Variants in SLC67A2 observed in about 807,000 individuals in gnomAD.
SLC67A2 encodes solute carrier family 67 member 2.
At chr2:102,721,837 TG>T in the SLC67A2 span, among the ~76,000 whole-genome samples, 2 of 152,202 alleles carry the variant, frequency 1.3e-5, no homozygotes, top group African/African-American at 4.8e-5. Context: ...CTCGAGGATC[TG>T]GGACTACAGG....
chr2:102,736,607 C>G, the SLC67A2 span: 1 of 1,613,760 alleles, frequency 6.2e-7, no homozygotes, highest in South Asian at 1.1e-5. Flanking sequence ...GGCCCGAACA[C>G]AGTCAGCACT....
the SLC67A2 span, among the ~76,000 whole-genome samples, chr2:102,725,942 G>C: frequency 6.6e-6 from 1 of 152,156 alleles, no homozygotes; most frequent in Non-Finnish European, 1.5e-5. Context: ...CCAGTGCTCT[G>C]ACAGGTACAG....
At chr2:102,727,085 A>G in the SLC67A2 span, 2 of 1,187,860 alleles carry the variant, frequency 1.7e-6, no homozygotes, top group Non-Finnish European at 2.3e-6. Context: ...TCAGTGTCAG[A>G]TCCTCAGATG....
the SLC67A2 span, among the ~76,000 whole-genome samples, chr2:102,714,668 T>C: frequency 1.3e-5 from 2 of 152,150 alleles, no homozygotes; most frequent in African/African-American, 4.8e-5. Flanking sequence ...AAAATTATCA[T>C]GTGACTGGCA....
the SLC67A2 span, among the ~76,000 whole-genome samples, chr2:102,727,427 A>G: frequency 6.6e-6 from 1 of 152,216 alleles, no homozygotes; most frequent in South Asian, 2.1e-4. Flanking sequence ...TGGTCATACA[A>G]TATGCTCTAT....
the SLC67A2 span, chr2:102,723,992 C>A: frequency 1.7e-6 from 2 of 1,152,522 alleles, no homozygotes; most frequent in Non-Finnish European, 2.6e-6. Context: ...AACCTCTATC[C>A]CTGATGGAGT....
At chr2:102,729,670 G>A in the SLC67A2 span, among the ~76,000 whole-genome samples, 1 of 151,984 alleles carries the variant, frequency 6.6e-6, no homozygotes, top group South Asian at 2.1e-4. Flanking sequence ...AAATAATATG[G>A]GCTTAGAGTC....
the SLC67A2 span, chr2:102,718,726 G>GGT: frequency 3.7e-6 from 6 of 1,613,896 alleles, no homozygotes; most frequent in Non-Finnish European, 5.1e-6. Flanking sequence ...CTGCACCCAT[G>GGT]GTGGGGGCCA....
chr2:102,736,397 G>T, the SLC67A2 span: 2 of 990,068 alleles, frequency 2.0e-6, no homozygotes, highest in Non-Finnish European at 2.8e-6. Flanking sequence ...CTTCTCAAAA[G>T]GCAGGGAAGG....
the SLC67A2 span, among the ~76,000 whole-genome samples, chr2:102,731,753 A>G: frequency 6.6e-6 from 1 of 152,348 alleles, no homozygotes; most frequent in East Asian, 1.9e-4. Flanking sequence ...GTTAGTCTCA[A>G]CAATTTCCCA....
chr2:102,735,274 G>A, the SLC67A2 span, among the ~76,000 whole-genome samples: 6 of 152,206 alleles, frequency 3.9e-5, no homozygotes, highest in Non-Finnish European at 7.3e-5. Flanking sequence ...TCTCTAAAAA[G>A]CCGCCCTCCC....
At chr2:102,721,074 T>C in the SLC67A2 span, among the ~76,000 whole-genome samples, 7 of 152,232 alleles carry the variant, frequency 4.6e-5, no homozygotes, top group Admixed American at 2.0e-4. Flanking sequence ...CTTGAAGCCA[T>C]TGTAGTTGGG....
the SLC67A2 span, chr2:102,718,777 A>G: frequency 6.2e-7 from 1 of 1,613,804 alleles, no homozygotes; most frequent in Non-Finnish European, 8.5e-7. Context: ...GTATGCTGGA[A>G]TGCAGCAGCA....
the SLC67A2 span, among the ~76,000 whole-genome samples, chr2:102,724,180 C>A: frequency 1.3e-4 from 20 of 152,146 alleles, no homozygotes; most frequent in Non-Finnish European, 2.8e-4. Context: ...AGTCCCTTAA[C>A]CCTCAGCTTG....
the SLC67A2 span, among the ~76,000 whole-genome samples, chr2:102,714,780 C>A: frequency 2.6e-5 from 4 of 152,120 alleles, no homozygotes; most frequent in Non-Finnish European, 5.9e-5. Flanking sequence ...TCTGTGGTAA[C>A]CCTGTTTTAG....
chr2:102,723,620 A>C, the SLC67A2 span: 3 of 1,376,078 alleles, frequency 2.2e-6, no homozygotes, highest in Non-Finnish European at 2.0e-6. Context: ...ATAAAAACGA[A>C]TTGCAAAGAA....
chr2:102,732,535 G>T, the SLC67A2 span: 2 of 744,354 alleles, frequency 2.7e-6, no homozygotes, highest in African/African-American at 1.8e-5. Flanking sequence ...AATCATAATT[G>T]GATTCCATAG....
chr2:102,734,161 A>G, the SLC67A2 span, among the ~76,000 whole-genome samples: 1 of 152,200 alleles, frequency 6.6e-6, no homozygotes, highest in Non-Finnish European at 1.5e-5. Context: ...TTTTCAATAA[A>G]AATTGATGAA....
chr2:102,715,710 G>T, the SLC67A2 span: 1 of 152,226 alleles, frequency 6.6e-6, no homozygotes, highest in East Asian at 1.9e-4. Flanking sequence ...AGATTCCATA[G>T]AATAGTGAGT....
Sources: allele counts gnomAD v4.1 joint callset (sites outside exome capture counted in the v4.1 genomes callset), GRCh38; gene constraint gnomAD v4.1.1; transcripts MANE v1.5; gene names NCBI Gene and HGNC (gene_info 2026-07-23, HGNC 2026-07-21).